The following TRIM44 variants were observed in gnomAD, a reference collection of about 807,000 sequenced individuals.
The protein encoded by TRIM44 is tripartite motif containing 44.
TRIM44 carries 13 observed loss-of-function variants against 37.4 expected under a neutral mutation model. The observed-to-expected ratio is 0.35, with a 90% CI of 0.23 to 0.55. TRIM44 has a LOEUF of 0.55. Among genes scored for constraint, TRIM44 ranks in the 20% least tolerant of loss-of-function variants. The pLI is 0.89. For missense variants in TRIM44, 426 were observed against 437.2 expected (o/e 0.97, Z 0.23); for synonymous variants, 175 against 157.2 (o/e 1.11, Z -0.85).
At chr11:35,697,651 T>C (rs1216779605) in intron 2 of TRIM44, among the ~76,000 whole-genome samples, 1 of 151,826 alleles carries the variant, frequency 6.6e-6, no homozygotes, top group Non-Finnish European at 1.5e-5. Context: ...CCCCTTCCTG[T>C]GTCCATGTGT....
intron 2 of TRIM44, among the ~76,000 whole-genome samples, chr11:35,720,066 T>C (rs547791444): frequency 3.3e-5 from 5 of 152,340 alleles, no homozygotes; most frequent in African/African-American, 1.2e-4. Flanking sequence ...TTTGTTGATA[T>C]CCACAAAATA....
chr11:35,686,374 G>GTTTTT (rs577200341), intron 2 of TRIM44, among the ~76,000 whole-genome samples: 1 of 133,374 alleles, frequency 7.5e-6, no homozygotes. Flanking sequence ...TTTTGTTTTT[G>GTTTTT]TTTTTTTTTT....
chr11:35,759,428 C>A (rs1438757556), intron 4 of TRIM44, among the ~76,000 whole-genome samples: 1 of 152,100 alleles, frequency 6.6e-6, no homozygotes, highest in Non-Finnish European at 1.5e-5. Flanking sequence ...TTTTTAACTT[C>A]TTTGCCTTGG....
intron 4 of TRIM44, among the ~76,000 whole-genome samples, chr11:35,777,607 C>G (rs1015915526): frequency 2.0e-5 from 3 of 152,160 alleles, no homozygotes; most frequent in Admixed American, 6.5e-5. Flanking sequence ...TTGTTCCTTT[C>G]CATGTTTAAT....
chr11:35,718,763 G>A lies in TRIM44; in HGVS notation c.748-7161G>A, dbSNP rs143849070. On this transcript the variant is annotated intron_variant, in intron 2 of 4. Coordinates refer to ENST00000299413, the MANE Select transcript of TRIM44 (RefSeq NM_017583.6). ...ACCTCTGGCAACTGATCTTTTTACT[G>A]TCTCCATAGTTTTGCCTTTCCTATA... is the stretch of plus-strand genomic sequence containing the variant. Among the ~76,000 whole-genome samples, 255 of 151,978 alleles carry A rather than the reference G, an allele frequency of 1.7e-3. 1 individual carries two copies. The highest frequency in any genetic ancestry group is 5.9e-3 in the African/African-American group (243 of 41,444).
At chr11:35,800,233 G>A (rs559470119) in intron 4 of TRIM44, among the ~76,000 whole-genome samples, 77 of 152,280 alleles carry the variant, frequency 5.1e-4, no homozygotes, top group African/African-American at 1.8e-3. Context: ...CCTTCACGGC[G>A]AGTGTTACAG....
rs1404385037 is a variant in TRIM44 at position 35,813,223 on chromosome 11, C to T, written c.*6838C>T. ...GCAACTCATTTACCTAGGGCTTAGCCACCTGATAGCTTTACCTATCCCTAT... is the reference window on the plus strand; with the variant it reads ...GCAACTCATTTACCTAGGGCTTAGCTACCTGATAGCTTTACCTATCCCTAT... On this transcript the variant is annotated 3_prime_UTR_variant, in exon 5 of 5. Coordinates refer to ENST00000299413, the MANE Select transcript of TRIM44 (RefSeq NM_017583.6). 1.3e-5 allele frequency: 2 copies of T among 152,184 alleles called. No individual in the cohort carries two copies. Among genetic ancestry groups the T allele is most frequent in the African/African-American group, 4.8e-5 (2 of 41,462 alleles). 9.4% of individuals were successfully genotyped at this position (152,184 alleles called of 1,614,324 possible). A position where few individuals can be genotyped will look rare whatever the true frequency, so the allele number is the denominator to read the frequency against.
At chr11:35,690,937 A>G (rs1407059397) in intron 2 of TRIM44, among the ~76,000 whole-genome samples, 1 of 152,210 alleles carries the variant, frequency 6.6e-6, no homozygotes, top group African/African-American at 2.4e-5. Flanking sequence ...TATTGAATTC[A>G]TGGGTAAATA....
At chr11:35,673,315 A>G (rs1488090381) in intron 1 of TRIM44, among the ~76,000 whole-genome samples, 1 of 151,942 alleles carries the variant, frequency 6.6e-6, no homozygotes, top group Non-Finnish European at 1.5e-5. Context: ...AAATTTTCCT[A>G]TTGTGTTACC....
intron 4 of TRIM44, among the ~76,000 whole-genome samples, chr11:35,747,009 A>G (rs772186558): frequency 2.6e-5 from 4 of 152,214 alleles, no homozygotes; most frequent in Non-Finnish European, 5.9e-5. Context: ...GAGATTGAGC[A>G]TGAGAAAAAC....
intron 4 of TRIM44, among the ~76,000 whole-genome samples, chr11:35,804,019 C>CCCTGAG (rs1331615669): frequency 1.3e-5 from 2 of 151,754 alleles, no homozygotes; most frequent in Non-Finnish European, 2.9e-5. Context: ...TTCCTCCCTC[C>CCCTGAG]CCTGAGCCTG....
chr11:35,740,385 T>C (rs1237789331), intron 4 of TRIM44, among the ~76,000 whole-genome samples: 2 of 152,072 alleles, frequency 1.3e-5, no homozygotes, highest in Non-Finnish European at 2.9e-5. Context: ...CCTTAAACTC[T>C]TGTGCTTAGA....
At chr11:35,783,606 A>C (rs1314849913) in intron 4 of TRIM44, among the ~76,000 whole-genome samples, 1 of 152,130 alleles carries the variant, frequency 6.6e-6, no homozygotes, top group East Asian at 1.9e-4. Flanking sequence ...TGAATACTTA[A>C]AGTATTGCCC....
At chr11:35,672,701 T>C (rs1214625970) in intron 1 of TRIM44, among the ~76,000 whole-genome samples, 1 of 152,276 alleles carries the variant, frequency 6.6e-6, no homozygotes, top group African/African-American at 2.4e-5. Context: ...CCGTAGTATA[T>C]TCCATAGTGG....
At position 35,815,012 on chromosome 11, in the gene TRIM44, A is replaced by C. The variant is rs1008008924; in HGVS notation, c.*8627A>C. On this transcript the variant is annotated 3_prime_UTR_variant, in exon 5 of 5. Coordinates refer to ENST00000299413, the MANE Select transcript of TRIM44 (RefSeq NM_017583.6). The stretch of plus-strand genomic sequence containing the variant: ...TTGAGGAGGCAGGCATTGCTCCTTC[A>C]TATTTCAGGGTGAGACAAATGCTCT... 1 of 152,122 alleles carries C rather than the reference A, an allele frequency of 6.6e-6. No homozygotes were observed. The allele number at this position is 152,122 out of a possible 1,614,324, so 9.4% of individuals were successfully genotyped here.
intron 2 of TRIM44, among the ~76,000 whole-genome samples, chr11:35,696,126 G>C (rs1472763398): frequency 1.3e-5 from 2 of 150,908 alleles, no homozygotes; most frequent in African/African-American, 2.4e-5. Context: ...TAGCCAAAAT[G>C]ATGAGTCAAA....
chr11:35,768,643 C>T lies in TRIM44; in HGVS notation c.1007+33198C>T, dbSNP rs572715453. On this transcript the variant is annotated intron_variant, in intron 4 of 4. Coordinates refer to ENST00000299413, the MANE Select transcript of TRIM44 (RefSeq NM_017583.6). ...TATATTTAGTTGCAACAAGTTTATA[C>T]TTGGTAACAAAAATGGCATGTTTCT... Among the ~76,000 whole-genome samples, 225 of 152,256 alleles carry T rather than the reference C, an allele frequency of 1.5e-3. 1 individual carries two copies. The highest frequency in any genetic ancestry group is 4.8e-3 in the African/African-American group (198 of 41,558).
At chr11:35,745,648 C>A (rs948346790) in intron 4 of TRIM44, among the ~76,000 whole-genome samples, 2 of 152,166 alleles carry the variant, frequency 1.3e-5, no homozygotes, top group Non-Finnish European at 2.9e-5. Context: ...TAATTATTTA[C>A]CCCATTATTC....
chr11:35,753,186 T>C (rs1422450119), intron 4 of TRIM44, among the ~76,000 whole-genome samples: 1 of 152,144 alleles, frequency 6.6e-6, no homozygotes, highest in East Asian at 1.9e-4. Context: ...AAAATGGGGA[T>C]AATAAGGTGA....
Sources: gnomAD v4.1 joint callset for allele counts (sites outside exome capture counted in the v4.1 genomes callset) on GRCh38, gnomAD v4.1.1 for gene constraint, MANE v1.5 for transcripts, NCBI Gene and HGNC (gene_info 2026-07-23, HGNC 2026-07-21) for gene names.